The following TAFA2 variants were observed in gnomAD, a reference collection of about 807,000 sequenced individuals.
TAFA2 encodes the protein chemokine-like protein TAFA-2.
A neutral mutation model predicts 18.8 loss-of-function variants in TAFA2; 7 were observed. The ratio of observed to expected loss-of-function variants is 0.37; its 90% confidence interval spans 0.21 to 0.70. The LOEUF (loss-of-function observed/expected upper bound fraction) is 0.70, where lower values mean the gene tolerates loss of function less well. Ranked by LOEUF, TAFA2 falls within the 30% of genes least tolerant of loss-of-function variation. TAFA2 has a pLI of 0.53. For missense variants in TAFA2, 122 were observed against 158.1 expected (o/e 0.77, Z 1.23); for synonymous variants, 60 against 54.2 (o/e 1.11, Z -0.47).
chr12:61,983,707 C>T (rs1039701255), intron 1 of TAFA2, among the ~76,000 whole-genome samples: 2 of 152,126 alleles, frequency 1.3e-5, no homozygotes, highest in African/African-American at 4.8e-5. Flanking sequence ...TAAATCATTC[C>T]AGAACCCCAG....
chr12:61,708,448 A>G lies in TAFA2; in HGVS notation c.*1958T>C, dbSNP rs1869243644. On this transcript the variant is annotated 3_prime_UTR_variant, in exon 5 of 5. Transcript: ENST00000416284. Reference sequence around the variant, plus strand: ...TGATTTAAAGAACATAGTTTAAAAAATGAGAAGCATGATGTATAATTTCAA... The same window carrying G: ...TGATTTAAAGAACATAGTTTAAAAAGTGAGAAGCATGATGTATAATTTCAA... The G allele has an allele frequency of 6.6e-6, 1 of 152,154 alleles. No individual in the cohort carries two copies. The highest frequency in any genetic ancestry group is 6.5e-5 in the Admixed American group (1 of 15,274). 9.4% of individuals were successfully genotyped at this position (152,154 alleles called of 1,614,324 possible). A position where few individuals can be genotyped will look rare whatever the true frequency, so the allele number is the denominator to read the frequency against.
intron 2 of TAFA2, among the ~76,000 whole-genome samples, chr12:61,766,301 C>T (rs753277875): frequency 1.3e-5 from 2 of 152,098 alleles, no homozygotes; most frequent in Admixed American, 6.6e-5. Context: ...CTACATTCGT[C>T]TTCTCTAGCT....
intron 1 of TAFA2, among the ~76,000 whole-genome samples, chr12:62,079,519 C>A (rs577235989): frequency 6.6e-6 from 1 of 151,692 alleles, no homozygotes; most frequent in South Asian, 2.1e-4. Flanking sequence ...AAAAAATTAG[C>A]CAGACATAGT....
intron 1 of TAFA2, among the ~76,000 whole-genome samples, chr12:62,058,841 C>T (rs1882259444): frequency 1.3e-5 from 2 of 152,168 alleles, no homozygotes; most frequent in Non-Finnish European, 1.5e-5. Context: ...CAATGGCTCA[C>T]GCCTGTAATC....
chr12:62,054,176 G>C (rs984710150), intron 1 of TAFA2, among the ~76,000 whole-genome samples: 2 of 152,188 alleles, frequency 1.3e-5, no homozygotes, highest in African/African-American at 4.8e-5. Context: ...GCATTAAGCA[G>C]ATCAGAAATC....
chr12:61,854,302 TC>T (rs1873797722), intron 2 of TAFA2, among the ~76,000 whole-genome samples: 1 of 150,852 alleles, frequency 6.6e-6, no homozygotes, highest in Admixed American at 6.6e-5. Flanking sequence ...TAAAGAAATC[TC>T]CCCCCAAAAA....
intron 1 of TAFA2, among the ~76,000 whole-genome samples, chr12:61,930,943 T>C (rs17125530): frequency 0.02 from 3,035 of 152,332 alleles, 114 homozygotes; most frequent in African/African-American, 0.069. Context: ...CCAACATCTC[T>C]ATAAATACAG....
At chr12:61,947,912 T>C (rs1878335587) in intron 1 of TAFA2, among the ~76,000 whole-genome samples, 1 of 152,148 alleles carries the variant, frequency 6.6e-6, no homozygotes, top group South Asian at 2.1e-4. Context: ...GGAGTACAGA[T>C]ATATAAGGAT....
rs74523906 is a variant in TAFA2, at chr12:62,157,820, A to G, written c.-2+33439T>C. Among the ~76,000 whole-genome samples, 1,503 of 152,196 alleles carry G rather than the reference A, an allele frequency of 9.9e-3. 20 individuals are homozygous for G. The highest frequency in any genetic ancestry group is 0.033 in the African/African-American group (1,382 of 41,524). On this transcript the variant is annotated intron_variant, in intron 1 of 4. Coordinates refer to ENST00000416284, the MANE Select transcript of TAFA2 (RefSeq NM_178539.5). ...AATTTACCATTATCTGTCATATCTT[A>G]ACTGGGTTTATTTGTGTCTCTTACG...
At chr12:62,177,029 T>C (rs1284016572) in intron 1 of TAFA2, among the ~76,000 whole-genome samples, 1 of 152,208 alleles carries the variant, frequency 6.6e-6, no homozygotes, top group African/African-American at 2.4e-5. Flanking sequence ...CTGTGTGAGT[T>C]TAAAAAGATC....
chr12:61,770,503 T>G (rs1455965762), intron 2 of TAFA2, among the ~76,000 whole-genome samples: 1 of 152,082 alleles, frequency 6.6e-6, no homozygotes, highest in Non-Finnish European at 1.5e-5. Flanking sequence ...TCAGGTAACC[T>G]GTAAAGCAAA....
At chr12:61,872,048 C>A (rs114830925) in intron 1 of TAFA2, among the ~76,000 whole-genome samples, 4 of 144,268 alleles carry the variant, frequency 2.8e-5, no homozygotes, top group African/African-American at 5.2e-5. Flanking sequence ...GCTCATACTG[C>A]GCCACCGCAC....
At chr12:61,871,569 C>T (rs893395857) in intron 1 of TAFA2, among the ~76,000 whole-genome samples, 6 of 152,176 alleles carry the variant, frequency 3.9e-5, no homozygotes, top group African/African-American at 1.4e-4. Context: ...CTTGAAATCG[C>T]TCCCAGGCAG....
intron 1 of TAFA2, among the ~76,000 whole-genome samples, chr12:62,152,084 T>G (rs944055792): frequency 9.2e-5 from 14 of 152,280 alleles, no homozygotes; most frequent in African/African-American, 3.1e-4. Flanking sequence ...TGCTATTGCT[T>G]TGGGAAATGT....
rs189849619 is a variant in TAFA2, at chr12:61,793,873, C to T, written c.107-38849G>A. The stretch of plus-strand genomic sequence containing the variant: ...AAATAAATCCAACAATACATAAAAA[C>T]GATAACACAAAGTGACCAAGTTGGG... On this transcript the variant is annotated intron_variant, in intron 2 of 4. Coordinates refer to ENST00000416284, the MANE Select transcript of TAFA2 (RefSeq NM_178539.5). Among the ~76,000 whole-genome samples the T allele has an allele frequency of 1.2e-3, 185 of 151,862 alleles. 4 individuals carry two copies. Among genetic ancestry groups the T allele is most frequent in the Admixed American group, 0.011 (162 of 15,214 alleles).
chr12:62,244,245 T>C (rs1245350675), intron 1 of TAFA2, among the ~76,000 whole-genome samples: 1 of 150,944 alleles, frequency 6.6e-6, no homozygotes, highest in Non-Finnish European at 1.5e-5. Context: ...GTCTTTTTTT[T>C]TTTTTTTGCA....
intron 2 of TAFA2, among the ~76,000 whole-genome samples, chr12:61,773,157 A>T (rs1214407558): frequency 6.6e-6 from 1 of 152,048 alleles, no homozygotes; most frequent in Non-Finnish European, 1.5e-5. Context: ...CAAGGACATG[A>T]AAGACCTCTA....
At chr12:61,854,842 G>GAT (rs1873819142) in intron 2 of TAFA2, among the ~76,000 whole-genome samples, 1 of 152,116 alleles carries the variant, frequency 6.6e-6, no homozygotes, top group African/African-American at 2.4e-5. Context: ...ACAGCTAAAT[G>GAT]ATATGCTTCA....
intron 1 of TAFA2, among the ~76,000 whole-genome samples, chr12:61,967,035 T>G (rs1482607825): frequency 6.6e-6 from 1 of 151,912 alleles, no homozygotes; most frequent in African/African-American, 2.4e-5. Flanking sequence ...AAAATACATT[T>G]ATATTACAAA....
Sources: allele counts gnomAD v4.1 joint callset (sites outside exome capture counted in the v4.1 genomes callset), GRCh38; gene constraint gnomAD v4.1.1; transcripts MANE v1.5; gene names NCBI Gene and HGNC (gene_info 2026-07-23, HGNC 2026-07-21).